The following HS3ST5 variants were observed in gnomAD, a reference collection of about 807,000 sequenced individuals.
HS3ST5 encodes heparan sulfate-glucosamine 3-sulfotransferase 5, also known as heparan sulfate glucosamine 3-O-sulfotransferase 5.
A neutral mutation model predicts 25.4 loss-of-function variants in HS3ST5; 10 were observed. The ratio of observed to expected loss-of-function variants is 0.39; its 90% confidence interval spans 0.24 to 0.67. The LOEUF (loss-of-function observed/expected upper bound fraction) is 0.67. HS3ST5 is among the 30% of genes least tolerant of loss of function. The probability of loss-of-function intolerance (pLI) is 0.44; values close to 1 mark genes in which losing one functional copy is unlikely to be tolerated. For missense variants in HS3ST5, 324 were observed against 420.7 expected, an observed-to-expected ratio of 0.77 and a Z score of 2.01; for synonymous variants, 170 against 162.4, an observed-to-expected ratio of 1.05 and a Z score of -0.36.
rs777331579 is a variant in HS3ST5, at chr6:114,305,809, A to G, written c.-339+36386T>C. ...CTCACCACTGATTTTTGCACCATCA[A>G]TACAAATCTCAACACAATGAAACAG... On this transcript the variant is annotated intron_variant, in intron 1 of 4. Transcript: ENST00000312719. Among the ~76,000 whole-genome samples the G allele has an allele frequency of 2.0e-5, 3 of 152,138 alleles. No individual in the cohort carries two copies. The South Asian group carries it at 6.2e-4, about 32-fold the overall frequency.
chr6:114,225,317 G>A (rs1782242720), intron 2 of HS3ST5, among the ~76,000 whole-genome samples: 1 of 151,834 alleles, frequency 6.6e-6, no homozygotes, highest in African/African-American at 2.4e-5. Flanking sequence ...GTACCTTCTA[G>A]TAGTAGACTT....
chr6:114,241,092 C>A (rs1158554478), intron 1 of HS3ST5, among the ~76,000 whole-genome samples: 1 of 146,630 alleles, frequency 6.8e-6, no homozygotes, highest in African/African-American at 2.5e-5. Context: ...AAAGCTCTTT[C>A]AGTTCTTTAA....
chr6:114,145,653 T>A (rs1490171491), intron 3 of HS3ST5, among the ~76,000 whole-genome samples: 1 of 151,812 alleles, frequency 6.6e-6, no homozygotes, highest in Non-Finnish European at 1.5e-5. Context: ...GCAGGCAGGG[T>A]CAAGGACACC....
At chr6:114,168,289 T>G (rs1231327975) in intron 3 of HS3ST5, 62 bp downstream of exon 3, 1 of 152,074 alleles carries the variant, frequency 6.6e-6, no homozygotes, top group East Asian at 1.9e-4. Context: ...ATAACACGGA[T>G]GAAAGTAGGG....
chr6:114,239,958 T>C (rs535398798), intron 1 of HS3ST5, among the ~76,000 whole-genome samples: 1 of 152,154 alleles, frequency 6.6e-6, no homozygotes, highest in South Asian at 2.1e-4. Context: ...AGCTCATCAC[T>C]GAATTCAGCT....
At chr6:114,341,272 C>T (rs538450952) in intron 1 of HS3ST5, among the ~76,000 whole-genome samples, 3 of 75,476 alleles carry the variant, frequency 4.0e-5, no homozygotes, top group Non-Finnish European at 8.1e-5. Context: ...TGAGTCCCAC[C>T]GGGTGAAGAC....
At chr6:114,083,923 T>C (rs1774613963) in intron 3 of HS3ST5, among the ~76,000 whole-genome samples, 1 of 152,182 alleles carries the variant, frequency 6.6e-6, no homozygotes, top group Admixed American at 6.5e-5. Context: ...TTTCTTAGGA[T>C]TGATCTGCCA....
intron 3 of HS3ST5, among the ~76,000 whole-genome samples, chr6:114,125,146 TTA>T (rs1206891151): frequency 2.6e-5 from 4 of 151,456 alleles, no homozygotes; most frequent in Non-Finnish European, 3.0e-5. Flanking sequence ...ATGATTTTTT[TTA>T]AATACAAAAC....
chr6:114,062,712 G>T, intron 4 of HS3ST5, 27 bp downstream of exon 4: 1 of 1,404,678 alleles, frequency 7.1e-7, no homozygotes, highest in Non-Finnish European at 1.0e-6. Flanking sequence ...TGTCACAGGG[G>T]TATAAGCATG....
intron 2 of HS3ST5, among the ~76,000 whole-genome samples, chr6:114,211,593 G>T (rs1405081562): frequency 6.6e-6 from 1 of 152,018 alleles, no homozygotes; most frequent in Non-Finnish European, 1.5e-5. Flanking sequence ...CTAAAATTAT[G>T]CCATATTCTA....
chr6:114,271,927 C>T (rs1773653397), intron 1 of HS3ST5, among the ~76,000 whole-genome samples: 1 of 152,076 alleles, frequency 6.6e-6, no homozygotes, highest in Non-Finnish European at 1.5e-5. Context: ...TTCCATCTTT[C>T]CTGGCATGCT....
At chr6:114,182,109 A>G (rs1780001540) in intron 2 of HS3ST5, among the ~76,000 whole-genome samples, 1 of 152,136 alleles carries the variant, frequency 6.6e-6, no homozygotes, top group Non-Finnish European at 1.5e-5. Flanking sequence ...AGTCATATAT[A>G]TTGCCATATT....
At chr6:114,084,278 G>A in intron 3 of HS3ST5, 1 of 819,900 alleles carries the variant, frequency 1.2e-6, no homozygotes, top group Non-Finnish European at 2.1e-6. Context: ...GGGAACTGCT[G>A]AATAGTCACA....
At chr6:114,058,844 A>G (rs1181544705) in intron 4 of HS3ST5, 1 of 152,398 alleles carries the variant, frequency 6.6e-6, no homozygotes, top group Non-Finnish European at 1.5e-5. Context: ...CTATCTAAAG[A>G]GGTCAGGATT....
intron 1 of HS3ST5, among the ~76,000 whole-genome samples, chr6:114,258,015 T>C (rs1171861995): frequency 6.6e-6 from 1 of 152,190 alleles, no homozygotes; most frequent in Non-Finnish European, 1.5e-5. Flanking sequence ...TGCCTTGGCC[T>C]CCCAAAGTGC....
chr6:114,098,826 G>C (rs1272420149), intron 3 of HS3ST5, among the ~76,000 whole-genome samples: 1 of 151,820 alleles, frequency 6.6e-6, no homozygotes, highest in African/African-American at 2.4e-5. Flanking sequence ...TCATAGGAAG[G>C]CTAGCTCATC....
At chr6:114,115,149 C>T (rs75785437) in intron 3 of HS3ST5, among the ~76,000 whole-genome samples, 8,792 of 152,104 alleles carry the variant, frequency 0.058, 311 homozygotes, top group Non-Finnish European at 0.08. Flanking sequence ...TTCTGTCTCA[C>T]ATGAAAAAGG....
At chr6:114,284,671 G>A (rs1195034641) in intron 1 of HS3ST5, among the ~76,000 whole-genome samples, 1 of 132,008 alleles carries the variant, frequency 7.6e-6, no homozygotes, top group Non-Finnish European at 1.6e-5. Flanking sequence ...TCCATAATAA[G>A]CGGCATAAAG....
At chr6:114,254,420 T>C (rs1772806747) in intron 1 of HS3ST5, among the ~76,000 whole-genome samples, 1 of 152,210 alleles carries the variant, frequency 6.6e-6, no homozygotes, top group Non-Finnish European at 1.5e-5. Context: ...GCTGAGGCTA[T>C]AAAGTCCAAT....
Sources: gnomAD v4.1 joint callset for allele counts (sites outside exome capture counted in the v4.1 genomes callset) on GRCh38, gnomAD v4.1.1 for gene constraint, MANE v1.5 for transcripts, NCBI Gene and HGNC (gene_info 2026-07-23, HGNC 2026-07-21) for gene names.